The following CLASP2 variants were observed in gnomAD, a reference collection of about 807,000 sequenced individuals.
The protein encoded by CLASP2 is cytoplasmic linker associated protein 2, also known as CLIP-associating protein 2.
CLASP2 carries 47 observed loss-of-function variants against 194.4 expected under a neutral mutation model. The observed-to-expected ratio is 0.24, with a 90% CI of 0.19 to 0.31. The LOEUF (loss-of-function observed/expected upper bound fraction) is 0.31. CLASP2 is among the 10% of genes least tolerant of loss of function. The pLI is 1.00. For synonymous variants in CLASP2, 619 were observed against 633.5 expected, an observed-to-expected ratio of 0.98 and a Z score of 0.34; for missense variants, 1,445 against 1,823.6, an observed-to-expected ratio of 0.79 and a Z score of 3.78.
rs141159207 is a variant in CLASP2 at position 33,515,594 on chromosome 3, A to G, written c.4110+429T>C. 2.0e-5 allele frequency among the ~76,000 whole-genome samples: 3 copies of G among 152,288 alleles called. No individual in the cohort carries two copies. The East Asian group carries it at 5.8e-4, about 29-fold the overall frequency. ...GAACCGGGAGGCTGAGGCTGCAGTG[A>G]GCTGTGATCACACCACTGCACTCCA... On this transcript the variant is annotated intron_variant, in intron 36 of 38. Transcript: ENST00000682230.
At chr3:33,577,019 A>C (rs2065038852) in intron 23 of CLASP2, among the ~76,000 whole-genome samples, 1 of 151,752 alleles carries the variant, frequency 6.6e-6, no homozygotes, top group Non-Finnish European at 1.5e-5. Flanking sequence ...AAAAATGCTC[A>C]ATACAGTTGC....
At chr3:33,522,839 G>A (rs1366356375) in intron 34 of CLASP2, among the ~76,000 whole-genome samples, 1 of 152,196 alleles carries the variant, frequency 6.6e-6, no homozygotes, top group Non-Finnish European at 1.5e-5. Flanking sequence ...GGGAGGCTGA[G>A]GCGGGCGGAT....
intron 1 of CLASP2, among the ~76,000 whole-genome samples, chr3:33,713,012 C>CAGAAAAAAAAAAAAAAA (rs1559717375): frequency 1.1e-3 from 53 of 46,986 alleles, no homozygotes; most frequent in Non-Finnish European, 1.9e-3. Context: ...AACTCCACCT[C>CAGAAAAAAAAAAAAAAA]AAAAAAAAAA....
chr3:33,602,486 C>T, intron 18 of CLASP2: 3 of 733,944 alleles, frequency 4.1e-6, no homozygotes, highest in Non-Finnish European at 7.4e-6. Context: ...GACATAAAAA[C>T]ATGAAGAAAT....
At chr3:33,667,406 C>CAAAAAAAAAAAAAA (rs537846651) in intron 6 of CLASP2, among the ~76,000 whole-genome samples, 445 of 44,086 alleles carry the variant, frequency 0.01, 52 homozygotes, top group Non-Finnish European at 0.013. Context: ...GAGACTATCT[C>CAAAAAAAAAAAAAA]AAAAAAAAAA....
chr3:33,713,955 G>C (rs977991855), intron 1 of CLASP2, among the ~76,000 whole-genome samples: 3 of 152,172 alleles, frequency 2.0e-5, no homozygotes, highest in Non-Finnish European at 4.4e-5. Context: ...GTTTATAAAA[G>C]TAGAGAAAAG....
At chr3:33,643,599 T>A (rs943370057) in intron 8 of CLASP2, among the ~76,000 whole-genome samples, 1 of 151,996 alleles carries the variant, frequency 6.6e-6, no homozygotes, top group Admixed American at 6.5e-5. Context: ...AGCTATTTAG[T>A]TATATGTGCA....
In CLASP2 at chr3:33,603,082, C is replaced by A. The variant is rs368071559; in HGVS notation, c.1794G>T (p.Leu598=). 6.9e-6 allele frequency: 11 copies of A among 1,592,262 alleles called. No individual in the cohort carries two copies. The highest frequency in any genetic ancestry group is 8.6e-6 in the Non-Finnish European group (10 of 1,168,244). ...CATCAATGTCACTTCGTGAACGCTG[C>A]AGGCTTCCTGGAAGGGAACTGGCTT... ...SSKASSLPGS[L]QRSRSDIDVN... is the part of the protein sequence containing the mutation. Residue 598 remains leucine, a synonymous_variant, in exon 18 of 39, where the codon CTG becomes CTT. Transcript: ENST00000682230.
chr3:33,656,761 A>C (rs1161848188), intron 7 of CLASP2, among the ~76,000 whole-genome samples: 1 of 152,124 alleles, frequency 6.6e-6, no homozygotes, highest in Non-Finnish European at 1.5e-5. Context: ...TGATATGTCC[A>C]TATTATAGAA....
In CLASP2 at chr3:33,620,300, T is replaced by C. The variant is rs184409775; in HGVS notation, c.1182-562A>G. On this transcript the variant is annotated intron_variant, in intron 11 of 38. Coordinates refer to ENST00000682230, the MANE Select transcript of CLASP2 (RefSeq NM_001365631.1). ...AACTCTACCATATCTTATTGGGTGATCTTTAGGACATCTGACTTCTCTTTC... is the reference window on the plus strand; with the variant it reads ...AACTCTACCATATCTTATTGGGTGACCTTTAGGACATCTGACTTCTCTTTC... 3.9e-5 allele frequency among the ~76,000 whole-genome samples: 6 copies of C among 152,304 alleles called. No individual in the cohort carries two copies. In the East Asian group the frequency reaches 1.2e-3, roughly 29 times the overall value.
At chr3:33,715,271 C>T (rs2093237189) in intron 1 of CLASP2, among the ~76,000 whole-genome samples, 1 of 152,232 alleles carries the variant, frequency 6.6e-6, no homozygotes, top group African/African-American at 2.4e-5. Flanking sequence ...CTACCTCTTT[C>T]TAATGCAATG....
intron 23 of CLASP2, among the ~76,000 whole-genome samples, chr3:33,581,310 T>C (rs887878222): frequency 1.3e-5 from 2 of 152,182 alleles, no homozygotes; most frequent in African/African-American, 2.4e-5. Context: ...CATTAGCTCA[T>C]AGGAAATGAC....
chr3:33,707,129 G>T (rs554126680), intron 1 of CLASP2, among the ~76,000 whole-genome samples: 1 of 152,294 alleles, frequency 6.6e-6, no homozygotes, highest in African/African-American at 2.4e-5. Flanking sequence ...TCTTGGAGAG[G>T]TGGCTCATTC....
At chr3:33,657,081 G>C (rs776454383) in intron 7 of CLASP2, among the ~76,000 whole-genome samples, 3 of 152,076 alleles carry the variant, frequency 2.0e-5, no homozygotes, top group African/African-American at 4.8e-5. Flanking sequence ...TTTTGAAAGG[G>C]AAATGACATT....
intron 21 of CLASP2, among the ~76,000 whole-genome samples, chr3:33,585,943 G>A (rs543823111): frequency 3.9e-5 from 6 of 152,190 alleles, no homozygotes; most frequent in South Asian, 2.1e-4. Flanking sequence ...ACTATTAGAC[G>A]TATTTTTAAA....
At chr3:33,568,466 A>C (rs140630892) in intron 26 of CLASP2, among the ~76,000 whole-genome samples, 10,449 of 150,430 alleles carry the variant, frequency 0.069, 440 homozygotes, top group Admixed American at 0.1. Flanking sequence ...AGGCATGAGA[A>C]TCGCTTGAAC....
At chr3:33,556,592 C>T (rs1051778191) in intron 29 of CLASP2, among the ~76,000 whole-genome samples, 14 of 151,920 alleles carry the variant, frequency 9.2e-5, no homozygotes, top group Admixed American at 9.2e-4. Context: ...CCTGCCACCA[C>T]GCCTGGCTAA....
intron 18 of CLASP2, among the ~76,000 whole-genome samples, chr3:33,597,361 G>A (rs1456752854): frequency 6.6e-6 from 1 of 152,152 alleles, no homozygotes; most frequent in African/African-American, 2.4e-5. Flanking sequence ...TGTGCTAAAA[G>A]GATTTAACAT....
rs1331010701 is a variant in CLASP2 at position 33,599,278 on chromosome 3, C to T, written c.1925-2544G>A. ...TAGATGGGCCCACAGGCATGTGCTA[C>T]CACACCTGGTTAAATTTTTATTTTG... On this transcript the variant is annotated intron_variant, in intron 18 of 38. Transcript: ENST00000682230. Among the ~76,000 whole-genome samples, 5 of 152,218 alleles carry T rather than the reference C, an allele frequency of 3.3e-5. No individual in the cohort carries two copies. In the East Asian group the frequency reaches 9.6e-4, roughly 29 times the overall value.
Sources: allele counts gnomAD v4.1 joint callset (sites outside exome capture counted in the v4.1 genomes callset), GRCh38; gene constraint gnomAD v4.1.1; transcripts MANE v1.5; gene names NCBI Gene and HGNC (gene_info 2026-07-23, HGNC 2026-07-21).